The following UPF2 variants were observed in gnomAD, a reference collection of about 807,000 sequenced individuals.
UPF2 encodes the protein UPF2 regulator of nonsense mediated mRNA decay.
Under a neutral mutation model 141.4 loss-of-function variants are expected in UPF2, and 17 were observed. The ratio of observed to expected loss-of-function variants is 0.12; its 90% CI spans 0.08 to 0.18. UPF2 has a LOEUF of 0.18. Ranked by LOEUF, UPF2 falls within the 10% of genes least tolerant of loss-of-function variation. The pLI, the probability that UPF2 is intolerant of heterozygous loss-of-function variation, is 1.00. For synonymous variants in UPF2, 540 were observed against 498.0 expected (o/e 1.08, Z -1.12); for missense variants, 1,152 against 1,515.9 (o/e 0.76, Z 3.99).
In UPF2 at chr10:11,952,086, C is replaced by T. The variant is rs372581487; in HGVS notation, c.3014G>A (p.Arg1005Gln). The change falls in exon 15 of 22, where the codon CGA becomes CAA. Residue 1005 changes from arginine (R) to glutamine (Q), a missense_variant. Around this residue, in one of 4 missense-constraint regions of UPF2, gnomAD observed 202 missense variants for 223.6 expected, o/e 0.90. Transcript: ENST00000357604. ...ESIRQVQDLE[R>Q]EFLIKLGLVN... ...CTTACCTAGTTTTATTAAGAATTCT[C>T]GTTCCAAGTCTTGTACCTGCCTGAT... The T allele has an allele frequency of 2.5e-6, 4 of 1,613,752 alleles. No individual in the cohort carries two copies. Among genetic ancestry groups the T allele is most frequent in the African/African-American group, 1.3e-5 (1 of 75,050 alleles).
At chr10:11,981,917 C>T (rs1411269765) in intron 8 of UPF2, among the ~76,000 whole-genome samples, 1 of 152,172 alleles carries the variant, frequency 6.6e-6, no homozygotes, top group African/African-American at 2.4e-5. Flanking sequence ...AACTCCTGAC[C>T]TTGTGATCCA....
At chr10:12,020,928 G>A (rs185684937) in intron 3 of UPF2, among the ~76,000 whole-genome samples, 6 of 152,232 alleles carry the variant, frequency 3.9e-5, no homozygotes, top group Non-Finnish European at 7.4e-5. Context: ...TCTCAAACAC[G>A]TCCATGAAGG....
At position 12,018,179 on chromosome 10, in the gene UPF2, G is replaced by A. The variant is rs186860376; in HGVS notation, c.1146-3995C>T. Among the ~76,000 whole-genome samples the A allele has an allele frequency of 4.6e-5, 7 of 152,258 alleles. No homozygotes were observed. The East Asian group carries it at 9.6e-4, about 21-fold the overall frequency. On this transcript the variant is annotated intron_variant, in intron 3 of 21. Coordinates refer to ENST00000357604, the MANE Select transcript of UPF2 (RefSeq NM_015542.4). Reference sequence around the variant, plus strand: ...AACCTAAGGATCGGCCAGGCACAGCGGCTAACGCCTGTAATCCTAGCACTT... The same window carrying A: ...AACCTAAGGATCGGCCAGGCACAGCAGCTAACGCCTGTAATCCTAGCACTT...
rs1166502953 is a variant in UPF2, at chr10:11,980,332, CA to C, written c.1845-1168del. ...ATAAAAGCAGCTTAACTGACAGCAGCAAATAATGGAGCTGACAGTGAGAGAG... is the reference window on the plus strand; with the variant it reads ...ATAAAAGCAGCTTAACTGACAGCAGCAATAATGGAGCTGACAGTGAGAGAG... On this transcript the variant is annotated intron_variant, in intron 8 of 21. Transcript: ENST00000357604. This position sits in a 1 kb window ranked among gnomAD's most constrained non-coding sequence, Gnocchi z 4.2. 6.6e-6 allele frequency among the ~76,000 whole-genome samples: 1 copy of C among 152,154 alleles called. No homozygotes were observed. Among genetic ancestry groups the C allele is most frequent in the Non-Finnish European group, 1.5e-5 (1 of 68,036 alleles).
Position 11,980,669 on chromosome 10 carries a change from G to A in UPF2, c.1845-1504C>T, listed in dbSNP as rs1833576929. 6.6e-6 allele frequency among the ~76,000 whole-genome samples: 1 copy of A among 152,124 alleles called. No homozygotes were observed. The highest frequency in any genetic ancestry group is 6.5e-5 in the Admixed American group (1 of 15,274). ...AATCACTTGAACCCAGGAGGCAGAG[G>A]TTGCAGTGAGCTGAGATCACACCAT... On this transcript the variant is annotated intron_variant, in intron 8 of 21. Coordinates refer to ENST00000357604, the MANE Select transcript of UPF2 (RefSeq NM_015542.4). The surrounding 1 kb of genome is among the most constrained non-coding windows in gnomAD (Gnocchi z 4.2).
chr10:12,013,993 C>A (rs749556729), intron 4 of UPF2, 31 bp downstream of exon 4: 4 of 1,465,228 alleles, frequency 2.7e-6, no homozygotes, highest in Non-Finnish European at 1.8e-6. Context: ...TTACAGAAAA[C>A]ACAATGTTTG....
At chr10:11,934,137 A>G (rs1832814412) in intron 19 of UPF2, among the ~76,000 whole-genome samples, 1 of 152,236 alleles carries the variant, frequency 6.6e-6, no homozygotes, top group Non-Finnish European at 1.5e-5. Flanking sequence ...AGAATGAAGG[A>G]GATCTAAAAC....
At chr10:12,041,514 G>A (rs915107396) in intron 1 of UPF2, among the ~76,000 whole-genome samples, 1 of 152,082 alleles carries the variant, frequency 6.6e-6, no homozygotes, top group Non-Finnish European at 1.5e-5. Context: ...TGTATTGGGG[G>A]GAAGAGGGCA....
At chr10:11,967,525 A>T in intron 9 of UPF2, 71 bp from the exon 10 acceptor site, 1 of 822,980 alleles carries the variant, frequency 1.2e-6, no homozygotes, top group Non-Finnish European at 1.8e-6. Context: ...CTATTATTTT[A>T]ATGCATTCGA....
intron 9 of UPF2, among the ~76,000 whole-genome samples, chr10:11,972,617 G>A (rs1248810335): frequency 6.6e-6 from 1 of 152,098 alleles, no homozygotes; most frequent in African/African-American, 2.4e-5. Context: ...CCACCTATGA[G>A]TGAGAACATG....
rs1375967382 is a variant in UPF2, at chr10:12,035,245, A to G, written c.179T>C (p.Leu60Pro). The G allele has an allele frequency of 2.5e-6, 4 of 1,611,036 alleles. No homozygotes were observed. The highest frequency in any genetic ancestry group is 2.7e-5 in the African/African-American group (2 of 73,764). Residue 60 changes from leucine to proline, a missense_variant, in exon 2 of 22, where the codon CTG (leucine) becomes CCG (proline). Physicochemically the swap from Leu to Pro is moderately conservative, Grantham distance 98. Around this residue, in one of 4 missense-constraint regions of UPF2, gnomAD observed 145 missense variants for 136.5 expected, o/e 1.06. Transcript: ENST00000357604. ...SKAPEDKKKR[L>P]EDDKRKKEDK... ...TTCCTTTTTTCTCTTATCATCTTCC[A>G]GTCTCTTCTTCTTGTCTTCAGGGGC...
chr10:11,948,722 C>T (rs975791500), intron 15 of UPF2, among the ~76,000 whole-genome samples: 8 of 152,006 alleles, frequency 5.3e-5, no homozygotes, highest in Admixed American at 5.2e-4. Context: ...TAACAAAAAG[C>T]GAGAAAAAAT....
chr10:11,990,989 CAAAAA>C (rs34436794), intron 8 of UPF2, among the ~76,000 whole-genome samples: 1 of 93,250 alleles, frequency 1.1e-5, no homozygotes. Flanking sequence ...GACTCCATCT[CAAAAA>C]AAAAAAAAAA....
At chr10:11,995,676 G>A (rs1393131418) in intron 8 of UPF2, among the ~76,000 whole-genome samples, 3 of 152,018 alleles carry the variant, frequency 2.0e-5, no homozygotes, top group Admixed American at 6.6e-5. Context: ...CCAGCTACTC[G>A]GGAGGCTGAG....
At chr10:11,993,772 A>C (rs73573529) in intron 8 of UPF2, among the ~76,000 whole-genome samples, 1 of 152,144 alleles carries the variant, frequency 6.6e-6, no homozygotes, top group Non-Finnish European at 1.5e-5. Context: ...CCAGGAGTTC[A>C]AGACTAGCCT....
At chr10:11,995,108 C>T (rs894208404) in intron 8 of UPF2, among the ~76,000 whole-genome samples, 6 of 150,886 alleles carry the variant, frequency 4.0e-5, no homozygotes, top group African/African-American at 1.5e-4. Flanking sequence ...ATAAAGAATA[C>T]CTCTATCTAC....
chr10:11,971,181 C>A (rs1286666671), intron 9 of UPF2, among the ~76,000 whole-genome samples: 1 of 151,834 alleles, frequency 6.6e-6, no homozygotes, highest in African/African-American at 2.4e-5. Flanking sequence ...AAACTGAAGG[C>A]GTTTTAAAAG....
intron 7 of UPF2, among the ~76,000 whole-genome samples, chr10:11,999,532 A>AACAC (rs1354422011): frequency 3.5e-5 from 4 of 115,636 alleles, no homozygotes; most frequent in Non-Finnish European, 5.5e-5. Flanking sequence ...AAAAAAAAAA[A>AACAC]ACACACACAA....
chr10:11,948,340 T>C (rs770307590), intron 16 of UPF2, 29 bp downstream of exon 16: 5 of 1,546,162 alleles, frequency 3.2e-6, no homozygotes, highest in Middle Eastern at 1.7e-4. Context: ...ACAAATGTAC[T>C]CTATGTTGCT....
Sources: allele counts gnomAD v4.1 joint callset (sites outside exome capture counted in the v4.1 genomes callset), GRCh38; gene constraint gnomAD v4.1.1; regional missense constraint gnomAD v4.1.1; non-coding constraint Gnocchi (gnomAD v3.1); transcripts MANE v1.5; gene names NCBI Gene and HGNC (gene_info 2026-07-23, HGNC 2026-07-21).